Variants in CFAP57 observed in about 807,000 individuals in gnomAD.
CFAP57 encodes cilia and flagella associated protein 57.
In CFAP57, 116 loss-of-function variants were observed where a neutral mutation model predicts 146.8. That is an observed-to-expected ratio of 0.79 (90% CI 0.68 to 0.92). The LOEUF (loss-of-function observed/expected upper bound fraction) is 0.92. Ranked by LOEUF, CFAP57 falls within the 40% of genes least tolerant of loss-of-function variation. CFAP57 has a pLI of 0.00. For synonymous variants in CFAP57, 518 were observed against 552.8 expected (o/e 0.94, Z 0.88); for missense variants, 1,377 against 1,527.2 (o/e 0.90, Z 1.64).
intron 15 of CFAP57, 26 bp downstream of exon 15, chr1:43,222,321 C>A: frequency 7.2e-7 from 1 of 1,393,888 alleles, no homozygotes; most frequent in South Asian, 1.9e-5. Flanking sequence ...CATGCTGTGC[C>A]TCCCTTTCAC....
chr1:43,242,582 T>C (rs1645966873), intron 21 of CFAP57, among the ~76,000 whole-genome samples: 1 of 152,248 alleles, frequency 6.6e-6, no homozygotes, highest in African/African-American at 2.4e-5. Flanking sequence ...AGCATGCTGC[T>C]AAGGGCAGAC....
At chr1:43,200,754 T>A (rs761935792) in intron 9 of CFAP57, among the ~76,000 whole-genome samples, 1 of 152,104 alleles carries the variant, frequency 6.6e-6, no homozygotes, top group African/African-American at 2.4e-5. Context: ...CTGGACACAT[T>A]TGAGCAATGA....
intron 6 of CFAP57, among the ~76,000 whole-genome samples, chr1:43,187,079 G>A (rs766586034): frequency 1.3e-5 from 2 of 152,140 alleles, no homozygotes; most frequent in East Asian, 3.8e-4. Context: ...GAGGACAGAC[G>A]TATTGGCATT....
intron 3 of CFAP57, 152 bp from the exon 4 acceptor site, chr1:43,183,439 C>T: frequency 1.4e-6 from 1 of 727,822 alleles, no homozygotes; most frequent in Non-Finnish European, 2.3e-6. Flanking sequence ...AGATGTGTGC[C>T]CTTATCAAAT....
At chr1:43,187,864 T>G (rs558808616) in intron 6 of CFAP57, among the ~76,000 whole-genome samples, 1 of 152,156 alleles carries the variant, frequency 6.6e-6, no homozygotes, top group Non-Finnish European at 1.5e-5. Flanking sequence ...AGTGCAGTGG[T>G]GTGATCATGG....
At chr1:43,211,489 C>G (rs148671496) in intron 11 of CFAP57, 1 of 149,458 alleles carries the variant, frequency 6.7e-6, no homozygotes, top group Admixed American at 6.8e-5. Flanking sequence ...GCAGGAGAAT[C>G]GCTTGAACCT....
Position 43,222,092 on chromosome 1 carries a change from T to C in CFAP57, c.2342-13T>C. 1 of 1,540,250 alleles carries C rather than the reference T, an allele frequency of 6.5e-7. No individual in the cohort carries two copies. The highest frequency in any genetic ancestry group is 8.8e-7 in the Non-Finnish European group (1 of 1,141,798). On this transcript the variant is annotated splice_polypyrimidine_tract_variant and intron_variant, in intron 14 of 22. Transcript: ENST00000372492. Reference sequence around the variant, plus strand: ...GCTCTCCCACCTTAAATACCATCCTTGCTTCTCTCCAGAATGTTGCAACAA... The same window carrying C: ...GCTCTCCCACCTTAAATACCATCCTCGCTTCTCTCCAGAATGTTGCAACAA...
chr1:43,207,492 A>G (rs1189023082), intron 10 of CFAP57, among the ~76,000 whole-genome samples: 2 of 152,206 alleles, frequency 1.3e-5, no homozygotes, highest in Admixed American at 1.3e-4. Context: ...GCTCTACCAC[A>G]TAGCCTAGGT....
intron 6 of CFAP57, among the ~76,000 whole-genome samples, chr1:43,188,091 G>A (rs148123704): frequency 6.6e-5 from 10 of 152,188 alleles, no homozygotes; most frequent in East Asian, 1.9e-4. Context: ...AGTGTGAGCC[G>A]CCACACCTGG....
chr1:43,194,677 G>A (rs1643747725), intron 6 of CFAP57: 1 of 151,724 alleles, frequency 6.6e-6, no homozygotes, highest in South Asian at 2.1e-4. Context: ...AATCTTTTTT[G>A]ATCTATAAAG....
intron 11 of CFAP57, chr1:43,210,179 C>T: frequency 6.5e-7 from 1 of 1,546,538 alleles, no homozygotes; most frequent in Non-Finnish European, 8.7e-7. Flanking sequence ...TAATAAGGGG[C>T]CGTTTGGTGG....
Position 43,185,208 on chromosome 1 carries a change from C to T in CFAP57, c.821C>T (p.Ala274Val). The T allele has an allele frequency of 3.1e-6, 5 of 1,614,156 alleles. No homozygotes were observed. The highest frequency in any genetic ancestry group is 4.2e-6 in the Non-Finnish European group (5 of 1,180,038). Residue 274 changes from alanine to valine, a missense_variant, in exon 5 of 23, where the codon GCC (alanine) becomes GTC (valine). Coordinates refer to ENST00000372492, the MANE Select transcript of CFAP57 (RefSeq NM_001378189.1). ...CCTTCCTATGAACAGATGGTGGCGG[C>T]CAGTAGCCATAGCCAGATGTCCATG... ...PLPSYEQMVA[A>V]SSHSQMSMPQ...
chr1:43,191,622 T>C (rs79419867), intron 6 of CFAP57, among the ~76,000 whole-genome samples: 1 of 99,406 alleles, frequency 1.0e-5, no homozygotes, highest in Non-Finnish European at 2.6e-5. Flanking sequence ...ATTCCCTCCT[T>C]CATTTCTGAT....
At chr1:43,217,556 G>A (rs1019064376) in intron 12 of CFAP57, among the ~76,000 whole-genome samples, 5 of 152,046 alleles carry the variant, frequency 3.3e-5, no homozygotes, top group Admixed American at 1.3e-4. Flanking sequence ...CTTCTACCTA[G>A]GAGACAGCCT....
rs746742789 is a variant in CFAP57 at position 43,222,962 on chromosome 1, C to T, written c.2671C>T (p.Arg891Trp). Residue 891 changes from arginine to tryptophan, a missense_variant, in exon 16 of 23, where the codon CGG becomes TGG. By Grantham distance (101) the Arg-to-Trp change is moderately radical. Coordinates refer to ENST00000372492, the MANE Select transcript of CFAP57 (RefSeq NM_001378189.1). ...KLRDEKESNLRLKGETGIMRK... is the reference protein window; with the variant it reads ...KLRDEKESNLWLKGETGIMRK... The stretch of plus-strand genomic sequence containing the variant: ...TCGGGATGAAAAGGAATCAAACCTG[C>T]GGCTCAAGGGAGAAACAGGCATCAT... 18 of 1,549,948 alleles carry T rather than the reference C, an allele frequency of 1.2e-5. No individual in the cohort carries two copies. Among genetic ancestry groups the T allele is most frequent in the East Asian group, 4.9e-5 (2 of 40,904 alleles).
intron 13 of CFAP57, among the ~76,000 whole-genome samples, chr1:43,220,353 A>G (rs1181725978): frequency 2.0e-5 from 3 of 152,244 alleles, no homozygotes; most frequent in Non-Finnish European, 1.5e-5. Flanking sequence ...AAATTAGTCT[A>G]CATGGCCTTT....
intron 10 of CFAP57, 74 bp from the exon 11 acceptor site, chr1:43,209,669 C>A: frequency 1.4e-6 from 2 of 1,433,370 alleles, no homozygotes; most frequent in Non-Finnish European, 1.9e-6. Context: ...GAGCAGAGGG[C>A]GAGAGAGTAT....
Position 43,197,701 on chromosome 1 carries a change from T to C in CFAP57, c.1262+9T>C, listed in dbSNP as rs1643923626. The C allele has an allele frequency of 6.2e-7, 1 of 1,614,070 alleles. No individual in the cohort carries two copies. On this transcript the variant is annotated intron_variant, in intron 7 of 22. Coordinates refer to ENST00000372492, the MANE Select transcript of CFAP57 (RefSeq NM_001378189.1). ...TGGAATTATGAAACAAAGTAAGGAA[T>C]GAAAGGCTTGCCTACTTTATTATGC...
At chr1:43,235,819 A>T (rs989990994) in intron 21 of CFAP57, among the ~76,000 whole-genome samples, 1 of 152,348 alleles carries the variant, frequency 6.6e-6, no homozygotes, top group African/African-American at 2.4e-5. Flanking sequence ...CCAGGATGAC[A>T]GCAGGAGCAG....
Sources: allele counts gnomAD v4.1 joint callset (sites outside exome capture counted in the v4.1 genomes callset), GRCh38; gene constraint gnomAD v4.1.1; transcripts MANE v1.5; gene names NCBI Gene and HGNC (gene_info 2026-07-23, HGNC 2026-07-21).